WWP2: variants seen among roughly 807,000 people sequenced by gnomAD.
The protein encoded by WWP2 is WW domain containing E3 ubiquitin protein ligase 2.
In WWP2, 57 loss-of-function variants were observed where a neutral mutation model predicts 121.0. The ratio of observed to expected loss-of-function variants is 0.47; its 90% CI spans 0.38 to 0.59. The LOEUF is 0.59. WWP2 is among the 20% of genes least tolerant of loss of function. The pLI is 0.00. For missense variants in WWP2, 962 were observed against 1,158.9 expected, an observed-to-expected ratio of 0.83 and a Z score of 2.47; for synonymous variants, 449 against 441.3, an observed-to-expected ratio of 1.02 and a Z score of -0.22.
Position 69,875,876 on chromosome 16 carries a change from GTTGACCTCC to G in WWP2, c.703+3947_703+3955del, listed in dbSNP as rs2057726283. 2.6e-5 allele frequency among the ~76,000 whole-genome samples: 4 copies of G among 152,122 alleles called. No homozygotes were observed. In the South Asian group the frequency reaches 8.3e-4, roughly 31 times the overall value. On this transcript the variant is annotated intron_variant, in intron 7 of 23. Coordinates refer to ENST00000359154, the MANE Select transcript of WWP2 (RefSeq NM_001270454.2). ...TTCCAAACTCCTGTTGTGTTGATAT[GTTGACCTCC>G]TCCCATGAATCACAAATGTTCTTAA...
At chr16:69,863,326 A>G (rs886235567) in intron 6 of WWP2, among the ~76,000 whole-genome samples, 1 of 152,204 alleles carries the variant, frequency 6.6e-6, no homozygotes, top group African/African-American at 2.4e-5. Flanking sequence ...GCATACAGCC[A>G]GGTAGTCACT....
chr16:69,849,797 G>A (rs1189355336), intron 6 of WWP2, among the ~76,000 whole-genome samples: 2 of 149,018 alleles, frequency 1.3e-5, no homozygotes, highest in Non-Finnish European at 3.0e-5. Flanking sequence ...AACATAGGGA[G>A]ACCCTGTCTC....
Position 69,799,025 on chromosome 16 carries a change from G to A in WWP2, c.219-149G>A. ...TCATTATTATCTAGAGGGTTACAGG[G>A]TCAGCTTTGAGAGGGGAAAGGATAT... On this transcript the variant is annotated intron_variant, in intron 3 of 23. Transcript: ENST00000359154. The surrounding 1 kb of genome is among the most constrained non-coding windows in gnomAD (Gnocchi z 4.5). The A allele has an allele frequency of 1.5e-6, 2 of 1,373,376 alleles. No homozygotes were observed. Among genetic ancestry groups the A allele is most frequent in the Middle Eastern group, 2.1e-4 (1 of 4,718 alleles). 85.1% of individuals were successfully genotyped at this position (1,373,376 alleles called of 1,614,324 possible).
At chr16:69,869,434 C>G (rs570530806) in intron 6 of WWP2, among the ~76,000 whole-genome samples, 1 of 150,450 alleles carries the variant, frequency 6.6e-6, no homozygotes, top group East Asian at 2.0e-4. Context: ...TTGCCACGCT[C>G]TCAGGCTGAA....
At chr16:69,802,902 G>T (rs11643817) in intron 4 of WWP2, among the ~76,000 whole-genome samples, 57,293 of 151,778 alleles carry the variant, frequency 0.38, 11,028 homozygotes, top group Admixed American at 0.49. Flanking sequence ...ACCGCATCTG[G>T]CCCAAGATAT....
intron 7 of WWP2, among the ~76,000 whole-genome samples, chr16:69,882,097 G>A (rs1307982131): frequency 6.6e-6 from 1 of 152,044 alleles, no homozygotes; most frequent in East Asian, 1.9e-4. Context: ...TGGGATTACA[G>A]GCATGAGCCA....
At chr16:69,789,228 T>G (rs946169554) in intron 2 of WWP2, among the ~76,000 whole-genome samples, 1 of 151,888 alleles carries the variant, frequency 6.6e-6, no homozygotes, top group Non-Finnish European at 1.5e-5. Flanking sequence ...TGGCTAACTT[T>G]TTTGTTTGTT....
chr16:69,785,081 C>G (rs2055754626), intron 1 of WWP2, among the ~76,000 whole-genome samples: 1 of 151,894 alleles, frequency 6.6e-6, no homozygotes, highest in African/African-American at 2.4e-5. Context: ...ACTAAAAATA[C>G]AAAAATTAGC....
At chr16:69,817,784 G>A (rs372722256) in intron 4 of WWP2, among the ~76,000 whole-genome samples, 16 of 149,396 alleles carry the variant, frequency 1.1e-4, no homozygotes, top group Middle Eastern at 3.5e-3. Context: ...TCAGCCTTCC[G>A]AGTAGCTGAG....
At chr16:69,841,976 T>TG (rs2056986767) in intron 5 of WWP2, 48 bp from the exon 6 acceptor site, 2 of 1,566,126 alleles carry the variant, frequency 1.3e-6, no homozygotes, top group Non-Finnish European at 1.7e-6. Context: ...AAACACGAGT[T>TG]GAGCTCCTCA....
At chr16:69,885,775 A>G (rs192712266) in intron 7 of WWP2, among the ~76,000 whole-genome samples, 91 of 152,316 alleles carry the variant, frequency 6.0e-4, no homozygotes, top group Admixed American at 2.5e-3. Flanking sequence ...GGGGATATCA[A>G]TTGTAACTAA....
intron 2 of WWP2, among the ~76,000 whole-genome samples, chr16:69,793,165 A>T (rs533648346): frequency 1.1e-4 from 17 of 152,268 alleles, no homozygotes; most frequent in Non-Finnish European, 1.3e-4. Context: ...AGCCTCGCCA[A>T]GATGGTGAAA....
At chr16:69,815,279 G>T (rs745874078) in intron 4 of WWP2, among the ~76,000 whole-genome samples, 2 of 152,062 alleles carry the variant, frequency 1.3e-5, no homozygotes, top group African/African-American at 4.8e-5. Flanking sequence ...CTGGGATTAC[G>T]GGCGTGAGCC....
chr16:69,821,678 C>T (rs2056594685), intron 4 of WWP2, among the ~76,000 whole-genome samples: 1 of 151,510 alleles, frequency 6.6e-6, no homozygotes, highest in Non-Finnish European at 1.5e-5. Flanking sequence ...TTTTAGTCTG[C>T]AGTAGGTGGC....
In WWP2 at chr16:69,925,268, C is replaced by A; in HGVS notation, c.1180-162C>A. The A allele has an allele frequency of 6.9e-7, 1 of 1,445,148 alleles. No individual in the cohort carries two copies. Among genetic ancestry groups the A allele is most frequent in the East Asian group, 2.4e-5 (1 of 41,766 alleles). 89.5% of individuals were successfully genotyped at this position (1,445,148 alleles called of 1,614,324 possible). A position where few individuals can be genotyped will look rare whatever the true frequency, so the allele number is the denominator to read the frequency against. On this transcript the variant is annotated intron_variant, in intron 10 of 23. Transcript: ENST00000359154. The surrounding 1 kb of genome is among the most constrained non-coding windows in gnomAD (Gnocchi z 4.0). ...TAAAAATCAAAACAAAAAACAGAGA[C>A]TTTTGAGAGGAGCAGATGCCACCTA...
At chr16:69,930,880 G>A (rs531356238) in intron 13 of WWP2, among the ~76,000 whole-genome samples, 6 of 152,184 alleles carry the variant, frequency 3.9e-5, no homozygotes, top group East Asian at 3.9e-4. Flanking sequence ...TCTAGAAAAC[G>A]AACAAACAAA....
rs1353048537 is a variant in WWP2 at position 69,787,041 on chromosome 16, G to T, written c.31G>T (p.Val11Leu). 5 of 1,613,294 alleles carry T rather than the reference G, an allele frequency of 3.1e-6. No individual in the cohort carries two copies. The Admixed American group carries it at 8.3e-5, about 27-fold the overall frequency. ...ATCTGCCAGCTCTAGCCGGGCAGGA[G>T]TGGCCCTGCCTTTTGAGAAGTCTCA... MASASSSRAGVALPFEKSQLT... is the reference protein window; with the variant it reads MASASSSRAGLALPFEKSQLT... The change falls in exon 2 of 24, where the codon GTG becomes TTG. Residue 11 changes from valine to leucine, a missense_variant. By Grantham distance (32) the Val-to-Leu change is conservative (BLOSUM62 1). This residue lies in a region of WWP2 where 145 missense variants were observed against 189.8 expected (regional missense o/e 0.76). Coordinates refer to ENST00000359154, the MANE Select transcript of WWP2 (RefSeq NM_001270454.2).
At chr16:69,806,173 G>T (rs1016238543) in intron 4 of WWP2, among the ~76,000 whole-genome samples, 1 of 152,250 alleles carries the variant, frequency 6.6e-6, no homozygotes, top group East Asian at 1.9e-4. Context: ...TGCACTCTAG[G>T]CTGGACAGCA....
At chr16:69,933,848 C>T (rs565076081) in intron 16 of WWP2, 122 bp from the exon 17 acceptor site, 20 of 1,181,530 alleles carry the variant, frequency 1.7e-5, no homozygotes, top group South Asian at 1.3e-4. Context: ...TCACAGGGCT[C>T]GACTCCCTGG....
Sources: gnomAD v4.1 joint callset for allele counts (sites outside exome capture counted in the v4.1 genomes callset) on GRCh38, gnomAD v4.1.1 for gene constraint, gnomAD v4.1.1 regional missense constraint, Gnocchi (gnomAD v3.1) non-coding constraint, MANE v1.5 for transcripts, NCBI Gene and HGNC (gene_info 2026-07-23, HGNC 2026-07-21) for gene names.